Variants in EVA1C observed in about 807,000 individuals in gnomAD.
EVA1C encodes the protein eva-1 homolog C.
Under a neutral mutation model 45.4 loss-of-function variants are expected in EVA1C, and 25 were observed. The observed-to-expected ratio is 0.55, with a 90% CI of 0.40 to 0.77. The LOEUF (loss-of-function observed/expected upper bound fraction) is 0.77. EVA1C is among the 30% of genes least tolerant of loss of function. EVA1C has a pLI of 0.00. For synonymous variants in EVA1C, 190 were observed against 221.2 expected (o/e 0.86, Z 1.25); for missense variants, 479 against 554.8 (o/e 0.86, Z 1.37).
At chr21:32,434,226 G>A (rs1201452257) in intron 1 of EVA1C, among the ~76,000 whole-genome samples, 4 of 152,036 alleles carry the variant, frequency 2.6e-5, no homozygotes, top group Admixed American at 2.6e-4. Context: ...AACCCGGGAG[G>A]CGGAAGTGGC....
At chr21:32,480,005 A>T (rs1431616673) in intron 4 of EVA1C, among the ~76,000 whole-genome samples, 1 of 152,166 alleles carries the variant, frequency 6.6e-6, no homozygotes, top group Non-Finnish European at 1.5e-5. Context: ...TATGTATTAA[A>T]AGCCTTGATG....
intron 7 of EVA1C, among the ~76,000 whole-genome samples, chr21:32,508,738 G>T (rs1279726605): frequency 2.0e-5 from 3 of 151,920 alleles, no homozygotes. Context: ...GGCCCCAACA[G>T]GGGGAACGCT....
chr21:32,469,320 G>A (rs1194705115), intron 4 of EVA1C, among the ~76,000 whole-genome samples: 3 of 152,300 alleles, frequency 2.0e-5, no homozygotes, highest in East Asian at 1.9e-4. Context: ...CTGCAAAGAG[G>A]TGCAATTTTA....
intron 4 of EVA1C, among the ~76,000 whole-genome samples, chr21:32,492,241 C>T (rs899208243): frequency 2.0e-5 from 3 of 151,944 alleles, no homozygotes; most frequent in Admixed American, 6.6e-5. Flanking sequence ...CCGGAAGTTC[C>T]AGAGATAGGG....
chr21:32,461,123 G>A (rs1407559628), intron 3 of EVA1C, among the ~76,000 whole-genome samples: 1 of 152,252 alleles, frequency 6.6e-6, no homozygotes, highest in African/African-American at 2.4e-5. Context: ...GAGAACTGCA[G>A]GGATGGAGGG....
At position 32,496,079 on chromosome 21, in the gene EVA1C, A is replaced by T. The variant is rs547172178; in HGVS notation, c.778+909A>T. 9.2e-5 allele frequency among the ~76,000 whole-genome samples: 14 copies of T among 152,334 alleles called. No homozygotes were observed. The Middle Eastern group carries it at 0.014, about 148-fold the overall frequency. ...CACAGAATTGTGCTACCATCACCAC[A>T]ATCAGTTTAAGAACATTCGCATCCC... On this transcript the variant is annotated intron_variant, in intron 5 of 7. Transcript: ENST00000300255.
rs2276221 is a variant in EVA1C at position 32,495,186 on chromosome 21, C to T, written c.778+16C>T. Reference sequence around the variant, plus strand: ...TACGCATGTGGTAAGAACACACCCCCGACCAGCTGCCTGATGACACTGCCT... The same window carrying T: ...TACGCATGTGGTAAGAACACACCCCTGACCAGCTGCCTGATGACACTGCCT... On this transcript the variant is annotated intron_variant, in intron 5 of 7. Transcript: ENST00000300255. 6,618 of 1,611,878 alleles carry T rather than the reference C, an allele frequency of 4.1e-3. 141 individuals are homozygous for T. In the Admixed American group the frequency reaches 0.047, roughly 11 times the overall value.
intron 1 of EVA1C, among the ~76,000 whole-genome samples, chr21:32,419,159 G>A (rs370112873): frequency 6.6e-6 from 1 of 151,982 alleles, no homozygotes; most frequent in East Asian, 1.9e-4. Context: ...AGGTTTGGGG[G>A]TGCATGGGAA....
At chr21:32,478,694 A>G (rs2036669057) in intron 4 of EVA1C, among the ~76,000 whole-genome samples, 1 of 116,582 alleles carries the variant, frequency 8.6e-6, no homozygotes, top group South Asian at 3.4e-4. Context: ...TTCACATGAG[A>G]CAGGAGTGAG....
At chr21:32,488,733 A>C (rs181600629) in intron 4 of EVA1C, among the ~76,000 whole-genome samples, 4 of 152,046 alleles carry the variant, frequency 2.6e-5, no homozygotes, top group East Asian at 1.9e-4. Flanking sequence ...TTACAGGCAC[A>C]CGCCACCACA....
At chr21:32,455,153 C>A (rs1211082141) in intron 2 of EVA1C, among the ~76,000 whole-genome samples, 1 of 152,118 alleles carries the variant, frequency 6.6e-6, no homozygotes, top group Admixed American at 6.6e-5. Flanking sequence ...GGTGTCTCTA[C>A]TTCCAGGATG....
chr21:32,441,550 G>T (rs1429461995), intron 1 of EVA1C, among the ~76,000 whole-genome samples: 1 of 151,428 alleles, frequency 6.6e-6, no homozygotes, highest in Non-Finnish European at 1.5e-5. Context: ...CAGTGGCATG[G>T]GACTTTGGAT....
chr21:32,504,627 T>C (rs1036021581), intron 7 of EVA1C, among the ~76,000 whole-genome samples: 4 of 152,216 alleles, frequency 2.6e-5, no homozygotes, highest in Admixed American at 2.6e-4. Context: ...TATCTTAAGA[T>C]AGAACACATT....
Position 32,413,030 on chromosome 21 carries a change from TG to T in EVA1C, c.160+19del. ...ACTTCTCTGGTAAGAGCGCCCTCCC[TG>T]GCTGTGTGCCCCCGGCACCGCGGAG... On this transcript the variant is annotated intron_variant, in intron 1 of 7. Coordinates refer to ENST00000300255, the MANE Select transcript of EVA1C (RefSeq NM_058187.5). 1 of 1,385,656 alleles carries T rather than the reference TG, an allele frequency of 7.2e-7. No homozygotes were observed. Among genetic ancestry groups the T allele is most frequent in the South Asian group, 1.8e-5 (1 of 55,558 alleles). 85.8% of individuals were successfully genotyped at this position (1,385,656 alleles called of 1,614,324 possible).
intron 4 of EVA1C, among the ~76,000 whole-genome samples, chr21:32,468,292 C>T (rs1277094020): frequency 2.6e-5 from 4 of 151,668 alleles, no homozygotes; most frequent in Admixed American, 6.6e-5. Context: ...TTGCTTGAAC[C>T]CGGGAGGTGA....
intron 4 of EVA1C, among the ~76,000 whole-genome samples, chr21:32,491,648 C>T (rs1316553216): frequency 7.2e-6 from 1 of 138,284 alleles, no homozygotes; most frequent in Non-Finnish European, 1.5e-5. Flanking sequence ...TGCACCACTG[C>T]ACTCCAGACT....
intron 1 of EVA1C, among the ~76,000 whole-genome samples, chr21:32,422,044 CA>C (rs57794940): frequency 0.19 from 17,058 of 91,924 alleles, 900 homozygotes; most frequent in East Asian, 0.27. Context: ...GACCCTGTCT[CA>C]AAAAAAAAAA....
At chr21:32,416,330 T>C (rs1254577100) in intron 1 of EVA1C, among the ~76,000 whole-genome samples, 1 of 150,150 alleles carries the variant, frequency 6.7e-6, no homozygotes, top group Non-Finnish European at 1.5e-5. Flanking sequence ...TCTTTTTTTT[T>C]TTTTTTTTTT....
At chr21:32,440,814 C>A (rs1175115176) in intron 1 of EVA1C, among the ~76,000 whole-genome samples, 1 of 152,142 alleles carries the variant, frequency 6.6e-6, no homozygotes, top group Non-Finnish European at 1.5e-5. Context: ...AAGAGCTGTT[C>A]ATTGGGCCAG....
Sources: gnomAD v4.1 joint callset for allele counts (sites outside exome capture counted in the v4.1 genomes callset) on GRCh38, gnomAD v4.1.1 for gene constraint, MANE v1.5 for transcripts, NCBI Gene and HGNC (gene_info 2026-07-23, HGNC 2026-07-21) for gene names.